The following ZDHHC11 variants were observed in gnomAD, a reference collection of about 807,000 sequenced individuals.
The protein encoded by ZDHHC11 is palmitoyltransferase ZDHHC11.
ZDHHC11 carries 44 observed loss-of-function variants against 51.3 expected under a neutral mutation model. The observed-to-expected ratio is 0.86, with a 90% confidence interval of 0.67 to 1.10. The LOEUF is 1.10. Ranked by LOEUF, ZDHHC11 falls within the 50% of genes least tolerant of loss-of-function variation. The pLI is 0.00. For synonymous variants in ZDHHC11, 163 were observed against 222.0 expected, an observed-to-expected ratio of 0.73 and a Z score of 2.36; for missense variants, 400 against 537.7, an observed-to-expected ratio of 0.74 and a Z score of 2.53.
At position 825,134 on chromosome 5, in the gene ZDHHC11, C is replaced by T. The variant is rs374309936; in HGVS notation, c.1023+30G>A. ...CATATTCTGCACACGGCCCTGACCTCGGGGTGCATCGCTGGTGACTGCAAC... is the reference window on the plus strand; with the variant it reads ...CATATTCTGCACACGGCCCTGACCTTGGGGTGCATCGCTGGTGACTGCAAC... On this transcript the variant is annotated intron_variant, in intron 8 of 12. Transcript: ENST00000283441. 2.6e-4 allele frequency: 417 copies of T among 1,595,810 alleles called. 6 individuals are homozygous for T. In the African/African-American group the frequency reaches 4.7e-3, roughly 18 times the overall value.
intron 12 of ZDHHC11, among the ~76,000 whole-genome samples, 157 bp from the exon 13 acceptor site, chr5:796,737 G>A (rs1737627718): frequency 6.6e-6 from 1 of 152,020 alleles, no homozygotes; most frequent in Admixed American, 6.5e-5. Flanking sequence ...TAGACACAGA[G>A]CCCCACTCCC....
intron 4 of ZDHHC11, chr5:842,119 C>T: frequency 2.0e-6 from 2 of 986,530 alleles, no homozygotes; most frequent in Middle Eastern, 5.2e-4. Flanking sequence ...GGAATTCACT[C>T]AGGCCACAAT....
rs553650643 is a variant in ZDHHC11 at position 815,725 on chromosome 5, T to C, written c.1147-930A>G. 3.8e-4 allele frequency among the ~76,000 whole-genome samples: 58 copies of C among 151,702 alleles called. 4 individuals are homozygous for C. Among genetic ancestry groups the C allele is most frequent in the South Asian group, 4.2e-4 (2 of 4,798 alleles). On this transcript the variant is annotated intron_variant, in intron 10 of 12. Transcript: ENST00000283441. ...CATCATCTTTCATCCCCATCAGCAA[T>C]GGATGAGACTTCCAATTCTCCCACA...
chr5:840,237 G>C (rs574008656), intron 5 of ZDHHC11: 2 of 718,208 alleles, frequency 2.8e-6, no homozygotes, highest in Non-Finnish European at 5.0e-6. Flanking sequence ...ACTCCTGCAG[G>C]TCTCGGCGTG....
chr5:802,747 G>C (rs1738614779), intron 11 of ZDHHC11, among the ~76,000 whole-genome samples: 1 of 141,638 alleles, frequency 7.1e-6, no homozygotes, highest in Admixed American at 7.5e-5. Context: ...ACCGAGGTGG[G>C]TGGATCACGA....
intron 11 of ZDHHC11, among the ~76,000 whole-genome samples, chr5:808,976 C>T (rs1212703353): frequency 8.5e-6 from 1 of 117,610 alleles, no homozygotes; most frequent in Non-Finnish European, 1.9e-5. Flanking sequence ...CATCTTTTGA[C>T]CATCAGTTAC....
chr5:823,681 G>A (rs902277339), intron 8 of ZDHHC11: 20 of 189,012 alleles, frequency 1.1e-4, no homozygotes, highest in African/African-American at 2.3e-4. Context: ...TGGAGCCCAC[G>A]GAGACGCGGG....
At chr5:828,676 C>G (rs1178104917) in intron 7 of ZDHHC11, among the ~76,000 whole-genome samples, 1 of 151,292 alleles carries the variant, frequency 6.6e-6, no homozygotes, top group Non-Finnish European at 1.5e-5. Flanking sequence ...ACAGAACACT[C>G]TACCCAACAA....
upstream of ZDHHC11, chr5:850,999 C>T (rs60003992): frequency 0.046 from 12,274 of 266,988 alleles, 313 homozygotes; most frequent in African/African-American, 0.082. Context: ...ATACACAGGC[C>T]CACCCAGGAC....
At chr5:838,239 A>G (rs970122824) in intron 5 of ZDHHC11, among the ~76,000 whole-genome samples, 13 of 151,988 alleles carry the variant, frequency 8.6e-5, no homozygotes, top group African/African-American at 3.1e-4. Context: ...CAGCCCAGGG[A>G]AGCAAAGCAA....
At position 821,852 on chromosome 5, in the gene ZDHHC11, C is replaced by A. The variant is rs1301818738; in HGVS notation, c.1058+9G>T. 1.4e-5 allele frequency: 23 copies of A among 1,602,386 alleles called. 1 individual carries two copies. The highest frequency in any genetic ancestry group is 2.0e-5 in the Non-Finnish European group (23 of 1,171,818). On this transcript the variant is annotated intron_variant, in intron 9 of 12. Coordinates refer to ENST00000283441, the MANE Select transcript of ZDHHC11 (RefSeq NM_024786.3). Reference sequence around the variant, plus strand: ...AGATAAAATAATCCCATTAAACTTACAAACTCACCCAAGTGCAGATGGACA... The same window carrying A: ...AGATAAAATAATCCCATTAAACTTAAAAACTCACCCAAGTGCAGATGGACA...
upstream of ZDHHC11, among the ~76,000 whole-genome samples, chr5:854,798 C>T (rs1184261453): frequency 5.9e-5 from 6 of 101,230 alleles, no homozygotes; most frequent in South Asian, 3.7e-4. Flanking sequence ...CAGTGAGGAG[C>T]GGGGACAGAC....
At chr5:823,675 G>C (rs1395818054) in intron 8 of ZDHHC11, 1 of 191,862 alleles carries the variant, frequency 5.2e-6, no homozygotes, top group Non-Finnish European at 1.1e-5. Flanking sequence ...TTGTCCTGGA[G>C]CCCACGGAGA....
At chr5:846,169 A>C (rs2150437887) in intron 3 of ZDHHC11, among the ~76,000 whole-genome samples, 1 of 150,938 alleles carries the variant, frequency 6.6e-6, no homozygotes, top group Non-Finnish European at 1.5e-5. Context: ...CTGTGCGGTC[A>C]TGCAACCTCT....
rs1425275322 is a variant in ZDHHC11 at position 828,087 on chromosome 5, A to T, written c.936-2836T>A. ...TCATAGATCAACAGGATCCCAAGGC[A>T]GAATTTTTCTTAGTACAGAACAAAA... On this transcript the variant is annotated intron_variant, in intron 7 of 12. Transcript: ENST00000283441. Among the ~76,000 whole-genome samples the T allele has an allele frequency of 4.6e-5, 7 of 151,600 alleles. No homozygotes were observed. The South Asian group carries it at 1.5e-3, about 31-fold the overall frequency.
At chr5:806,840 T>C (rs1036614108) in intron 11 of ZDHHC11, among the ~76,000 whole-genome samples, 2 of 151,206 alleles carry the variant, frequency 1.3e-5, no homozygotes, top group African/African-American at 4.9e-5. Flanking sequence ...ACTACTCGAC[T>C]GTCAATTCCA....
rs1279690335 is a variant in ZDHHC11 at position 850,706 on chromosome 5, C to G, written c.-104G>C. On this transcript the variant is annotated 5_prime_UTR_variant, in exon 1 of 13. Coordinates refer to ENST00000283441, the MANE Select transcript of ZDHHC11 (RefSeq NM_024786.3). Reference sequence around the variant, plus strand: ...GGGACTGGGAATGCAGCCGCCAGGACCAGCACTGACAGCCAATGGCCCAGC... The same window carrying G: ...GGGACTGGGAATGCAGCCGCCAGGAGCAGCACTGACAGCCAATGGCCCAGC... 2.9e-6 allele frequency: 4 copies of G among 1,389,140 alleles called. No homozygotes were observed. The highest frequency in any genetic ancestry group is 2.0e-4 in the Middle Eastern group (1 of 4,970). 86.1% of individuals were successfully genotyped at this position (1,389,140 alleles called of 1,614,324 possible).
upstream of ZDHHC11, among the ~76,000 whole-genome samples, chr5:855,808 C>A (rs1432966878): frequency 6.7e-6 from 1 of 148,290 alleles, no homozygotes; most frequent in African/African-American, 2.5e-5. Context: ...TGGGGACAGA[C>A]CCCACAGAGG....
intron 6 of ZDHHC11, among the ~76,000 whole-genome samples, chr5:835,355 G>A (rs1175724681): frequency 1.4e-3 from 208 of 151,630 alleles, no homozygotes; most frequent in African/African-American, 4.9e-3. Context: ...AAAGTCAATT[G>A]ACCATAAATG....
Sources: gnomAD v4.1 joint callset for allele counts (sites outside exome capture counted in the v4.1 genomes callset) on GRCh38, gnomAD v4.1.1 for gene constraint, MANE v1.5 for transcripts, NCBI Gene and HGNC (gene_info 2026-07-23, HGNC 2026-07-21) for gene names.